BTRC: variants seen among roughly 807,000 people sequenced by gnomAD.
The protein encoded by BTRC is F-box/WD repeat-containing protein 1A.
In BTRC, 42 loss-of-function variants were observed where a neutral mutation model predicts 85.5. The ratio of observed to expected loss-of-function variants is 0.49; its 90% CI spans 0.38 to 0.64. The LOEUF (loss-of-function observed/expected upper bound fraction) is 0.64. Among genes scored for constraint, BTRC ranks in the 30% least tolerant of loss-of-function variants. BTRC has a pLI of 0.00. For missense variants in BTRC, 594 were observed against 743.5 expected (o/e 0.80, Z 2.34); for synonymous variants, 255 against 263.3 (o/e 0.97, Z 0.30).
chr10:101,508,184 G>T (rs781444142), intron 4 of BTRC, among the ~76,000 whole-genome samples: 1 of 152,046 alleles, frequency 6.6e-6, no homozygotes, highest in Non-Finnish European at 1.5e-5. Context: ...CCTATAGTTA[G>T]TAAATAGGAA....
chr10:101,487,588 A>C (rs1946022199), intron 4 of BTRC, among the ~76,000 whole-genome samples: 1 of 152,210 alleles, frequency 6.6e-6, no homozygotes, highest in African/African-American at 2.4e-5. Context: ...TAGAACAATC[A>C]GTTTACACAG....
At chr10:101,525,413 A>AAGC (rs2062175619) in intron 5 of BTRC, among the ~76,000 whole-genome samples, 1 of 152,186 alleles carries the variant, frequency 6.6e-6, no homozygotes, top group South Asian at 2.1e-4. Context: ...AATTAAACCC[A>AAGC]TTCTTGAACT....
At chr10:101,438,105 G>T (rs537958288) in intron 2 of BTRC, among the ~76,000 whole-genome samples, 2 of 152,030 alleles carry the variant, frequency 1.3e-5, no homozygotes, top group African/African-American at 2.4e-5. Context: ...AACTTTTTAC[G>T]TGTGTTGGAT....
chr10:101,547,328 CTTTTTTT>C (rs71016332), intron 13 of BTRC, among the ~76,000 whole-genome samples: 3 of 79,636 alleles, frequency 3.8e-5, no homozygotes, highest in African/African-American at 1.4e-4. Context: ...TATGGTTTTT[CTTTTTTT>C]TTTTTTTTTT....
chr10:101,446,406 T>C (rs1394468469), intron 2 of BTRC, among the ~76,000 whole-genome samples: 2 of 152,188 alleles, frequency 1.3e-5, no homozygotes, highest in African/African-American at 4.8e-5. Context: ...AGGCAGACCT[T>C]TTCCTCCCAA....
At chr10:101,429,846 A>C (rs1472842208) in intron 1 of BTRC, among the ~76,000 whole-genome samples, 2 of 146,190 alleles carry the variant, frequency 1.4e-5, no homozygotes, top group Non-Finnish European at 3.1e-5. Context: ...GTAGGGATAC[A>C]ATACTTTTTC....
intron 13 of BTRC, among the ~76,000 whole-genome samples, chr10:101,544,670 G>A (rs371411500): frequency 1.3e-5 from 2 of 152,022 alleles, no homozygotes; most frequent in Non-Finnish European, 2.9e-5. Context: ...AACCTCCTGA[G>A]TAGCTGAGAT....
chr10:101,449,347 A>AT (rs1944903852), intron 2 of BTRC, among the ~76,000 whole-genome samples: 1 of 152,108 alleles, frequency 6.6e-6, no homozygotes, highest in Non-Finnish European at 1.5e-5. Context: ...GAATTTTGTC[A>AT]TACGTCCTAA....
chr10:101,501,282 C>T (rs987913315), intron 4 of BTRC, among the ~76,000 whole-genome samples: 5 of 152,074 alleles, frequency 3.3e-5, no homozygotes, highest in East Asian at 1.9e-4. Flanking sequence ...AATTTATGTA[C>T]GCAATTTTAT....
At chr10:101,447,147 T>A (rs998859708) in intron 2 of BTRC, among the ~76,000 whole-genome samples, 2 of 152,170 alleles carry the variant, frequency 1.3e-5, no homozygotes, top group Non-Finnish European at 2.9e-5. Context: ...ATTTCAGGAA[T>A]CATGTAGGTC....
intron 9 of BTRC, 127 bp from the exon 10 acceptor site, chr10:101,534,534 C>T (rs78475006): frequency 1.0e-4 from 127 of 1,259,316 alleles, no homozygotes; most frequent in Non-Finnish European, 1.4e-4. Context: ...ATCCCATCCC[C>T]TTCCTTCTCC....
At chr10:101,368,464 C>CTTTTTTTTTTTTTT (rs60190021) in intron 1 of BTRC, among the ~76,000 whole-genome samples, 1 of 75,362 alleles carries the variant, frequency 1.3e-5, no homozygotes, top group African/African-American at 6.4e-5. Context: ...AACTGTTTTT[C>CTTTTTTTTTTTTTT]TTTTTTTTTT....
intron 1 of BTRC, among the ~76,000 whole-genome samples, chr10:101,401,318 G>A (rs1444091659): frequency 1.3e-5 from 2 of 152,182 alleles, no homozygotes; most frequent in African/African-American, 2.4e-5. Flanking sequence ...AGCATAAGGT[G>A]ATTTTTAACA....
chr10:101,370,099 A>G (rs2134535181), intron 1 of BTRC, among the ~76,000 whole-genome samples: 1 of 152,266 alleles, frequency 6.6e-6, no homozygotes, highest in African/African-American at 2.4e-5. Flanking sequence ...ATATTTCTGT[A>G]TGGACATATC....
In BTRC at chr10:101,479,349, C is replaced by T. The variant is rs1261174073; in HGVS notation, c.235-19C>T. The T allele has an allele frequency of 6.3e-7, 1 of 1,596,098 alleles. No individual in the cohort carries two copies. Among genetic ancestry groups the T allele is most frequent in the East Asian group, 2.2e-5 (1 of 44,578 alleles). On this transcript the variant is annotated intron_variant, in intron 3 of 14. Coordinates refer to ENST00000370187, the MANE Select transcript of BTRC (RefSeq NM_033637.4). The stretch of plus-strand genomic sequence containing the variant: ...TTTCAATATTTTAAAAACCTGTTTC[C>T]AACAAATTCTCTTTACAGACATACA...
chr10:101,461,016 C>T lies in BTRC; in HGVS notation c.157-965C>T, dbSNP rs570263598. Among the ~76,000 whole-genome samples the T allele has an allele frequency of 7.4e-4, 113 of 152,166 alleles. 3 individuals are homozygous for T. The highest frequency in any genetic ancestry group is 3.7e-3 in the South Asian group (18 of 4,814). On this transcript the variant is annotated intron_variant, in intron 2 of 14. Coordinates refer to ENST00000370187, the MANE Select transcript of BTRC (RefSeq NM_033637.4). ...CTCCTGGGTTCAGGCGATTCTCCTG[C>T]CTCAGACTCTCGAGTAGCTGGGATT...
intron 4 of BTRC, among the ~76,000 whole-genome samples, chr10:101,487,679 G>GTGAAAAGATCAGGTGGGGTA (rs1946025115): frequency 6.6e-6 from 1 of 152,218 alleles, no homozygotes; most frequent in African/African-American, 2.4e-5. Flanking sequence ...CTTCAACAGT[G>GTGAAAAGATCAGGTGGGGTA]TGAAAAGATC....
intron 3 of BTRC, among the ~76,000 whole-genome samples, chr10:101,464,820 A>G (rs1017794457): frequency 2.0e-5 from 3 of 152,190 alleles, no homozygotes; most frequent in Non-Finnish European, 4.4e-5. Context: ...AATTTATTGC[A>G]GTGCCATCTG....
At chr10:101,357,739 A>G (rs1242976134) in intron 1 of BTRC, among the ~76,000 whole-genome samples, 1 of 152,210 alleles carries the variant, frequency 6.6e-6, no homozygotes. Flanking sequence ...TTACAATAAA[A>G]TCCTGTTAAT....
Sources: gnomAD v4.1 joint callset for allele counts (sites outside exome capture counted in the v4.1 genomes callset) on GRCh38, gnomAD v4.1.1 for gene constraint, MANE v1.5 for transcripts, NCBI Gene and HGNC (gene_info 2026-07-23, HGNC 2026-07-21) for gene names.